Variants in ZNF777 observed in about 807,000 individuals in gnomAD.
ZNF777 encodes zinc finger protein 777.
A neutral mutation model predicts 72.1 loss-of-function variants in ZNF777; 7 were observed. The ratio of observed to expected loss-of-function variants is 0.10; its 90% confidence interval spans 0.06 to 0.18. ZNF777 has a LOEUF of 0.18. ZNF777 is among the 10% of genes least tolerant of loss of function. The pLI, the probability that ZNF777 is intolerant of heterozygous loss-of-function variation, is 1.00. For missense variants in ZNF777, 828 were observed against 1,128.6 expected (o/e 0.73, Z 3.82); for synonymous variants, 545 against 483.5 (o/e 1.13, Z -1.67).
chr7:149,439,113 C>T (rs1387883453), intron 4 of ZNF777, among the ~76,000 whole-genome samples: 1 of 152,080 alleles, frequency 6.6e-6, no homozygotes, highest in Non-Finnish European at 1.5e-5. Context: ...AGTAATGTCT[C>T]TCTTCCCTCC....
chr7:149,460,215 GC>G lies in ZNF777; in HGVS notation c.-16+599del. 3.7e-6 allele frequency: 2 copies of G among 543,042 alleles called. No homozygotes were observed. Among genetic ancestry groups the G allele is most frequent in the Non-Finnish European group, 4.7e-6 (2 of 428,938 alleles). 33.6% of individuals were successfully genotyped at this position (543,042 alleles called of 1,614,324 possible). A position where few individuals can be genotyped will look rare whatever the true frequency, so the allele number is the denominator to read the frequency against. Reference sequence around the variant, plus strand: ...ACTGCCGCCGCCGCTACTGCGCGCGGCCCCACGCAGGCCCGGCCGCCCGGCG... The same window carrying G: ...ACTGCCGCCGCCGCTACTGCGCGCGGCCCACGCAGGCCCGGCCGCCCGGCG... On this transcript the variant is annotated intron_variant, in intron 1 of 5. Coordinates refer to ENST00000247930, the MANE Select transcript of ZNF777 (RefSeq NM_015694.3). The surrounding 1 kb of genome is among the most constrained non-coding windows in gnomAD (Gnocchi z 6.1).
chr7:149,434,912 T>C (rs949214501), intron 5 of ZNF777, among the ~76,000 whole-genome samples: 13 of 152,144 alleles, frequency 8.5e-5, no homozygotes, highest in African/African-American at 3.1e-4. Context: ...CTTCATGGAA[T>C]GGTAAACGCC....
chr7:149,448,552 C>T lies in ZNF777; in HGVS notation c.1087+2447G>A, dbSNP rs1471141424. ...ACATATAGTTATATATATAGTTATA[C>T]ATATAGTTATATAGTTATACATATA... On this transcript the variant is annotated intron_variant, in intron 4 of 5. Transcript: ENST00000247930. 1.1e-3 allele frequency among the ~76,000 whole-genome samples: 122 copies of T among 106,946 alleles called. 1 individual carries two copies. The highest frequency in any genetic ancestry group is 4.4e-3 in the African/African-American group (114 of 25,858). 70.2% of individuals were successfully genotyped at this position (106,946 alleles called of 152,430 possible).
Position 149,436,643 on chromosome 7 carries a change from T to C in ZNF777, c.1271A>G (p.Glu424Gly). Residue 424 changes from glutamate (E) to glycine (G), a missense_variant, in exon 5 of 6, where the codon GAG (glutamate) becomes GGG (glycine). Physicochemically the swap from Glu to Gly is moderately conservative, Grantham distance 98. Around this residue, in one of 12 missense-constraint regions of ZNF777, gnomAD observed 219 missense variants for 223.0 expected, o/e 0.98. Coordinates refer to ENST00000247930, the MANE Select transcript of ZNF777 (RefSeq NM_015694.3). This position sits in a 1 kb window ranked among gnomAD's most constrained non-coding sequence, Gnocchi z 5.0. ...DMQEPENTLE[E>G]STEGSSEFSE... ...GAACTCGCTGGAGCCTTCCGTGGAC[T>C]CCTCCAGCGTGTTCTCTGGCTCCTG... 6.2e-7 allele frequency: 1 copy of C among 1,613,964 alleles called. No homozygotes were observed. Among genetic ancestry groups the C allele is most frequent in the Non-Finnish European group, 8.5e-7 (1 of 1,180,032 alleles).
intron 4 of ZNF777, among the ~76,000 whole-genome samples, chr7:149,446,229 A>G (rs55975177): frequency 5.8e-4 from 88 of 152,210 alleles, no homozygotes; most frequent in African/African-American, 2.1e-3. Flanking sequence ...ATACAAAATT[A>G]GCCAGGTGTG....
chr7:149,457,455 G>C (rs758159150), intron 1 of ZNF777, among the ~76,000 whole-genome samples: 1 of 152,194 alleles, frequency 6.6e-6, no homozygotes, highest in Non-Finnish European at 1.5e-5. Context: ...CATATAGTAT[G>C]TGTTTGATAA....
chr7:149,446,902 C>G (rs1432149677), intron 4 of ZNF777, among the ~76,000 whole-genome samples: 1 of 152,166 alleles, frequency 6.6e-6, no homozygotes, highest in Non-Finnish European at 1.5e-5. Context: ...CCAATGGACC[C>G]TTTTTAGTCT....
chr7:149,458,105 C>T (rs1563241794), intron 1 of ZNF777, among the ~76,000 whole-genome samples: 1 of 152,134 alleles, frequency 6.6e-6, no homozygotes, highest in Non-Finnish European at 1.5e-5. Flanking sequence ...GAAGGCCTTG[C>T]CTTTAGAGAT....
chr7:149,454,929 T>C (rs1799793234), intron 2 of ZNF777, among the ~76,000 whole-genome samples: 1 of 152,192 alleles, frequency 6.6e-6, no homozygotes. Context: ...CTTCGTAGTC[T>C]CTCACACCAT....
At chr7:149,444,763 C>G (rs980594162) in intron 4 of ZNF777, among the ~76,000 whole-genome samples, 1 of 152,236 alleles carries the variant, frequency 6.6e-6, no homozygotes, top group South Asian at 2.1e-4. Flanking sequence ...TTCTAATTCT[C>G]ATTTCTTCGC....
chr7:149,456,017 C>A lies in ZNF777; in HGVS notation c.6G>T (p.Glu2Asp). 3 of 1,562,692 alleles carry A rather than the reference C, an allele frequency of 1.9e-6. No individual in the cohort carries two copies. The South Asian group carries it at 3.6e-5, about 19-fold the overall frequency. Reference sequence around the variant, plus strand: ...ACGACAGAGGTGATGAGCGTTGGTTCTCCATGTCCAGCTGCTGAACCTGTG... The same window carrying A: ...ACGACAGAGGTGATGAGCGTTGGTTATCCATGTCCAGCTGCTGAACCTGTG... M[E>D]NQRSSPLSFP... The change falls in exon 2 of 6, where the codon GAG (glutamate) becomes GAT (aspartate). Residue 2 changes from glutamate (E) to aspartate (D), a missense_variant. Physicochemically the swap from Glu to Asp is conservative, Grantham distance 45 (BLOSUM62 2). This residue lies in a region of ZNF777 where 222 missense variants were observed against 211.2 expected (regional missense o/e 1.05). Coordinates refer to ENST00000247930, the MANE Select transcript of ZNF777 (RefSeq NM_015694.3).
At position 149,451,072 on chromosome 7, in the gene ZNF777, C is replaced by T. The variant is rs202067694; in HGVS notation, c.1014G>A (p.Glu338=). The part of the protein sequence containing the change: ...ISKPDLMSQM[E]RGERPTMQEQ... ...CCTGCATGGTGGGCCGCTCCCCGCG[C>T]TCCATCTGTGACATGAGGTCTGGTT... Residue 338 remains glutamate, a synonymous_variant, in exon 4 of 6, where the codon GAG becomes GAA. Coordinates refer to ENST00000247930, the MANE Select transcript of ZNF777 (RefSeq NM_015694.3). 6.0e-5 allele frequency: 97 copies of T among 1,614,060 alleles called. No homozygotes were observed. In the African/African-American group the frequency reaches 1.1e-3, roughly 19 times the overall value.
intron 4 of ZNF777, among the ~76,000 whole-genome samples, chr7:149,448,198 G>A (rs1799638650): frequency 6.6e-6 from 1 of 151,942 alleles, no homozygotes; most frequent in South Asian, 2.1e-4. Flanking sequence ...AGGTGCAGTG[G>A]TTCATGCCTT....
intron 2 of ZNF777, among the ~76,000 whole-genome samples, chr7:149,454,512 C>A (rs1328103305): frequency 1.3e-5 from 2 of 152,226 alleles, no homozygotes; most frequent in Non-Finnish European, 2.9e-5. Context: ...CTTAGACCTA[C>A]TAAATAGCTT....
rs370929921 is a variant in ZNF777 at position 149,436,873 on chromosome 7, G to A, written c.1088-47C>T. ...TGAGGAGGAGAAAAGAACCCAGAAT[G>A]TTCATGCCAACTGCCCAGGTTTCTG... On this transcript the variant is annotated intron_variant, in intron 4 of 5. Coordinates refer to ENST00000247930, the MANE Select transcript of ZNF777 (RefSeq NM_015694.3). This position sits in a 1 kb window ranked among gnomAD's most constrained non-coding sequence, Gnocchi z 5.0. 2.8e-5 allele frequency: 44 copies of A among 1,578,450 alleles called. No individual in the cohort carries two copies. Among genetic ancestry groups the A allele is most frequent in the Non-Finnish European group, 3.5e-5 (41 of 1,155,930 alleles).
At chr7:149,459,698 T>G (rs1180743877) in intron 1 of ZNF777, 2 of 984,936 alleles carry the variant, frequency 2.0e-6, no homozygotes, top group Non-Finnish European at 2.4e-6. Context: ...CGCCGCCAGG[T>G]GTCTGTGCCT....
In ZNF777 at chr7:149,455,817, C is replaced by T. The variant is rs771897875; in HGVS notation, c.206G>A (p.Gly69Asp). ...TSSAPKQETS[G>D]RMPHVLQKGP... ...CTTCTGGAGCACATGTGGCATCCGGCCAGAAGTCTCTTGCTTGGGAGCACT... is the reference window on the plus strand; with the variant it reads ...CTTCTGGAGCACATGTGGCATCCGGTCAGAAGTCTCTTGCTTGGGAGCACT... Residue 69 changes from glycine to aspartate, a missense_variant, in exon 2 of 6, where the codon GGC becomes GAC. Around this residue, in one of 12 missense-constraint regions of ZNF777, gnomAD observed 222 missense variants for 211.2 expected, o/e 1.05. Transcript: ENST00000247930. This position sits in a 1 kb window ranked among gnomAD's most constrained non-coding sequence, Gnocchi z 4.2. 1 of 1,612,862 alleles carries T rather than the reference C, an allele frequency of 6.2e-7. No individual in the cohort carries two copies. Among genetic ancestry groups the T allele is most frequent in the Admixed American group, 1.7e-5 (1 of 59,966 alleles).
chr7:149,459,029 G>A (rs1314333563), intron 1 of ZNF777, among the ~76,000 whole-genome samples: 1 of 152,126 alleles, frequency 6.6e-6, no homozygotes, highest in African/African-American at 2.4e-5. Flanking sequence ...TTTTTTGAAT[G>A]ACCCAGTATG....
intron 1 of ZNF777, among the ~76,000 whole-genome samples, chr7:149,456,908 G>A (rs144343239): frequency 2.6e-5 from 4 of 152,306 alleles, no homozygotes; most frequent in East Asian, 1.9e-4. Context: ...TAAGCAGAGC[G>A]AGACATCGAG....
Sources: gnomAD v4.1 joint callset for allele counts (sites outside exome capture counted in the v4.1 genomes callset) on GRCh38, gnomAD v4.1.1 for gene constraint, gnomAD v4.1.1 regional missense constraint, Gnocchi (gnomAD v3.1) non-coding constraint, MANE v1.5 for transcripts, NCBI Gene and HGNC (gene_info 2026-07-23, HGNC 2026-07-21) for gene names.